Variants in SLC24A3 observed in about 807,000 individuals in gnomAD.
SLC24A3 encodes the protein sodium/potassium/calcium exchanger 3.
In SLC24A3, 28 loss-of-function variants were observed where a neutral mutation model predicts 75.8. That is an observed-to-expected ratio of 0.37 (90% CI 0.27 to 0.51). The LOEUF is 0.51. Among genes scored for constraint, SLC24A3 ranks in the 20% least tolerant of loss-of-function variants. SLC24A3 has a pLI of 0.94. For missense variants in SLC24A3, 663 were observed against 847.8 expected, an observed-to-expected ratio of 0.78 and a Z score of 2.71; for synonymous variants, 372 against 334.1, an observed-to-expected ratio of 1.11 and a Z score of -1.24.
intron 3 of SLC24A3, among the ~76,000 whole-genome samples, chr20:19,543,253 G>A (rs1182138563): frequency 6.6e-6 from 1 of 152,196 alleles, no homozygotes; most frequent in African/African-American, 2.4e-5. Context: ...CCACATGCAT[G>A]TCTAATCCTC....
chr20:19,331,238 T>C (rs1248696904), intron 2 of SLC24A3, among the ~76,000 whole-genome samples: 3 of 152,182 alleles, frequency 2.0e-5, no homozygotes, highest in African/African-American at 7.2e-5. Flanking sequence ...GCTGTGGTCA[T>C]GTTAGGGAAT....
At chr20:19,324,382 A>G (rs1984790059) in intron 2 of SLC24A3, among the ~76,000 whole-genome samples, 1 of 152,236 alleles carries the variant, frequency 6.6e-6, no homozygotes, top group Admixed American at 6.5e-5. Flanking sequence ...TGGGTTACAC[A>G]GATACTATCG....
chr20:19,447,453 C>T (rs1227247376), intron 2 of SLC24A3, among the ~76,000 whole-genome samples: 3 of 151,934 alleles, frequency 2.0e-5, no homozygotes, highest in African/African-American at 7.3e-5. Flanking sequence ...TTGCAGAGCC[C>T]CAAGCAGTAC....
chr20:19,509,053 T>G (rs755858236), intron 2 of SLC24A3, among the ~76,000 whole-genome samples: 2 of 152,252 alleles, frequency 1.3e-5, no homozygotes, highest in Non-Finnish European at 2.9e-5. Context: ...ATGTCATTGT[T>G]GTTATAATTT....
chr20:19,321,257 A>G (rs1218845610), intron 2 of SLC24A3, among the ~76,000 whole-genome samples: 1 of 152,178 alleles, frequency 6.6e-6, no homozygotes, highest in African/African-American at 2.4e-5. Flanking sequence ...CACACTCAAG[A>G]CATTGGAGCA....
At chr20:19,257,830 T>C (rs541448954) in intron 1 of SLC24A3, 1 of 152,338 alleles carries the variant, frequency 6.6e-6, no homozygotes, top group South Asian at 2.1e-4. Flanking sequence ...CTTCTTTTGA[T>C]TTTTATATTT....
chr20:19,325,207 C>T (rs1271953476), intron 2 of SLC24A3, among the ~76,000 whole-genome samples: 3 of 151,818 alleles, frequency 2.0e-5, no homozygotes, highest in Non-Finnish European at 4.4e-5. Context: ...ACAAGGGGAT[C>T]ACTTGAGGCC....
intron 1 of SLC24A3, among the ~76,000 whole-genome samples, chr20:19,264,520 T>C (rs1226855763): frequency 6.6e-6 from 1 of 151,582 alleles, no homozygotes; most frequent in East Asian, 1.9e-4. Context: ...AGCTCAGGAG[T>C]TCGCGACCAG....
chr20:19,421,545 A>T (rs770805395), intron 2 of SLC24A3, among the ~76,000 whole-genome samples: 3 of 152,228 alleles, frequency 2.0e-5, no homozygotes, highest in Non-Finnish European at 4.4e-5. Flanking sequence ...TAGGAGGAGG[A>T]GACAGGAAGC....
At chr20:19,433,742 G>A (rs6046091) in intron 2 of SLC24A3, among the ~76,000 whole-genome samples, 4,174 of 152,222 alleles carry the variant, frequency 0.027, 167 homozygotes, top group East Asian at 0.1. Context: ...ATTTCAAAAG[G>A]TGAGTCCATA....
At chr20:19,351,459 TCTC>T (rs1336255575) in intron 2 of SLC24A3, among the ~76,000 whole-genome samples, 1 of 152,152 alleles carries the variant, frequency 6.6e-6, no homozygotes, top group Admixed American at 6.5e-5. Flanking sequence ...CTCCCCAGCT[TCTC>T]CTTCCCTCTT....
At chr20:19,552,246 G>A (rs2030708837) in intron 3 of SLC24A3, among the ~76,000 whole-genome samples, 1 of 152,176 alleles carries the variant, frequency 6.6e-6, no homozygotes. Context: ...CTCTCCAGCA[G>A]AGGCAAAAGG....
chr20:19,366,829 G>A (rs1985900482), intron 2 of SLC24A3, among the ~76,000 whole-genome samples: 1 of 152,148 alleles, frequency 6.6e-6, no homozygotes, highest in Non-Finnish European at 1.5e-5. Flanking sequence ...GAAGGATAAG[G>A]GTCAAATGAT....
chr20:19,432,361 GAATC>G (rs1474348230), intron 2 of SLC24A3, among the ~76,000 whole-genome samples: 1 of 150,408 alleles, frequency 6.6e-6, no homozygotes, highest in Admixed American at 6.6e-5. Flanking sequence ...TTAAAAAGTT[GAATC>G]AATCAAAGAA....
chr20:19,217,877 A>G (rs1262593115), intron 1 of SLC24A3, among the ~76,000 whole-genome samples: 1 of 152,202 alleles, frequency 6.6e-6, no homozygotes, highest in African/African-American at 2.4e-5. Context: ...GATCTTCCTG[A>G]ATAGACTGGG....
At chr20:19,403,846 TG>T (rs1173922835) in intron 2 of SLC24A3, among the ~76,000 whole-genome samples, 1 of 152,236 alleles carries the variant, frequency 6.6e-6, no homozygotes, top group Non-Finnish European at 1.5e-5. Flanking sequence ...TAGAGCCTTT[TG>T]GGGCAACAAA....
chr20:19,720,530 T>C (rs873328), intron 16 of SLC24A3, among the ~76,000 whole-genome samples: 90,960 of 149,708 alleles, frequency 0.61, 27,897 homozygotes, highest in East Asian at 0.88. Context: ...GCAGCCATGA[T>C]TTGCTGTGGG....
intron 6 of SLC24A3, among the ~76,000 whole-genome samples, chr20:19,646,841 C>CTGTGTGTGTGTG (rs74180956): frequency 0.014 from 1,971 of 144,662 alleles, 20 homozygotes; most frequent in Middle Eastern, 0.038. Context: ...TTACAAAACT[C>CTGTGTGTGTGTG]TGTGTGTGTG....
intron 3 of SLC24A3, among the ~76,000 whole-genome samples, chr20:19,573,110 T>G (rs1357975464): frequency 6.6e-6 from 1 of 151,968 alleles, no homozygotes; most frequent in Non-Finnish European, 1.5e-5. Context: ...GAGACAGGAG[T>G]GCAGATGATG....
Sources: allele counts gnomAD v4.1 joint callset (sites outside exome capture counted in the v4.1 genomes callset), GRCh38; gene constraint gnomAD v4.1.1; transcripts MANE v1.5; gene names NCBI Gene and HGNC (gene_info 2026-07-23, HGNC 2026-07-21).